ETV1: variants seen among roughly 807,000 people sequenced by gnomAD.
ETV1 encodes ETS variant transcription factor 1, also known as ETS translocation variant 1.
A neutral mutation model predicts 62.3 loss-of-function variants in ETV1; 27 were observed. The observed-to-expected ratio is 0.43, with a 90% CI of 0.32 to 0.60. The LOEUF (loss-of-function observed/expected upper bound fraction) is 0.60, where lower values mean the gene tolerates loss of function less well. Among genes scored for constraint, ETV1 ranks in the 20% least tolerant of loss-of-function variants. ETV1 has a pLI of 0.06. For missense variants in ETV1, 605 were observed against 605.8 expected (o/e 1.00, Z 0.01); for synonymous variants, 222 against 199.6 (o/e 1.11, Z -0.94).
At chr7:13,985,300 A>G (rs1444764493) in intron 5 of ETV1, 2 of 152,120 alleles carry the variant, frequency 1.3e-5, no homozygotes, top group African/African-American at 4.8e-5. Flanking sequence ...AGTTTCATTT[A>G]CACAGACTAG....
intron 10 of ETV1, 111 bp from the exon 11 acceptor site, chr7:13,909,811 C>T (rs910501755): frequency 1.9e-5 from 16 of 864,002 alleles, no homozygotes; most frequent in Non-Finnish European, 2.7e-5. Flanking sequence ...CTGCCACCAC[C>T]TTTCAGTTCC....
At chr7:13,957,737 C>A (rs941604837) in intron 6 of ETV1, among the ~76,000 whole-genome samples, 1 of 152,144 alleles carries the variant, frequency 6.6e-6, no homozygotes, top group African/African-American at 2.4e-5. Flanking sequence ...CTTATATTAG[C>A]ACTTAAACAC....
At chr7:13,949,750 C>A (rs753299750) in intron 6 of ETV1, among the ~76,000 whole-genome samples, 5 of 152,138 alleles carry the variant, frequency 3.3e-5, no homozygotes, top group Non-Finnish European at 7.4e-5. Context: ...TATCAAAATG[C>A]AAACTGAAAC....
At chr7:13,919,445 T>C (rs1784565896) in intron 9 of ETV1, among the ~76,000 whole-genome samples, 1 of 150,614 alleles carries the variant, frequency 6.6e-6, no homozygotes, top group Non-Finnish European at 1.5e-5. Flanking sequence ...GTTAAATGAA[T>C]CACAATAACA....
Position 13,893,593 on chromosome 7 carries a change from A to G in ETV1, c.*2273T>C, listed in dbSNP as rs1781529580. The G allele has an allele frequency of 4.3e-6, 1 of 232,094 alleles. No individual in the cohort carries two copies. Among genetic ancestry groups the G allele is most frequent in the Non-Finnish European group, 8.5e-6 (1 of 117,466 alleles). 14.4% of individuals were successfully genotyped at this position (232,094 alleles called of 1,614,324 possible). On this transcript the variant is annotated 3_prime_UTR_variant, in exon 14 of 14. Coordinates refer to ENST00000430479, the MANE Select transcript of ETV1 (RefSeq NM_004956.5). ...TCTTCCTCACTGACTGACTAAAACT[A>G]GACTATTAAAAAGAAGAAAAAGGAG...
At chr7:13,926,296 T>G (rs1242830443) in intron 9 of ETV1, among the ~76,000 whole-genome samples, 1 of 152,210 alleles carries the variant, frequency 6.6e-6, no homozygotes, top group Non-Finnish European at 1.5e-5. Flanking sequence ...TAGTTTCATG[T>G]GCTCACTACT....
At chr7:13,911,197 C>G in intron 10 of ETV1, 42 bp downstream of exon 10, 5 of 1,376,600 alleles carry the variant, frequency 3.6e-6, no homozygotes, top group Non-Finnish European at 5.2e-6. Context: ...TCTGATTATT[C>G]TGAACGGTAT....
At chr7:13,927,589 A>G (rs1785579589) in intron 9 of ETV1, among the ~76,000 whole-genome samples, 1 of 150,134 alleles carries the variant, frequency 6.7e-6, no homozygotes, top group African/African-American at 2.5e-5. Context: ...TAAATGCATT[A>G]GATTTCCTCA....
intron 8 of ETV1, among the ~76,000 whole-genome samples, chr7:13,935,192 C>T (rs561440562): frequency 6.6e-6 from 1 of 152,170 alleles, no homozygotes; most frequent in South Asian, 2.1e-4. Flanking sequence ...TCGCAGTGTC[C>T]AGAGTCATGC....
Position 13,939,149 on chromosome 7 carries a change from G to A in ETV1, c.333C>T (p.Phe111=). Reference sequence around the variant, plus strand: ...TGTACAGGCACTTTTCTCCATAGCTGAATTTAAAGGGCTGTTCTTGACTGC... The same window carrying A: ...TGTACAGGCACTTTTCTCCATAGCTAAATTTAAAGGGCTGTTCTTGACTGC... ...SACSQEQPFK[F]SYGEKCLYNV... is the part of the protein sequence containing the mutation. The change falls in exon 7 of 14, where the codon TTC becomes TTT. Residue 111 remains phenylalanine, a synonymous_variant. Coordinates refer to ENST00000430479, the MANE Select transcript of ETV1 (RefSeq NM_004956.5). The A allele has an allele frequency of 6.2e-7, 1 of 1,613,300 alleles. No individual in the cohort carries two copies. The highest frequency in any genetic ancestry group is 8.5e-7 in the Non-Finnish European group (1 of 1,179,676).
chr7:13,973,404 G>A (rs17167711), intron 6 of ETV1, among the ~76,000 whole-genome samples: 14,133 of 152,098 alleles, frequency 0.093, 1,111 homozygotes, highest in African/African-American at 0.21. Flanking sequence ...ATACCCAGAC[G>A]CACGAGAATC....
intron 6 of ETV1, among the ~76,000 whole-genome samples, chr7:13,970,264 ACACACACACACAC>A (rs1562698476): frequency 3.7e-3 from 13 of 3,472 alleles, no homozygotes; most frequent in Admixed American, 6.6e-3. Context: ...CCATCTCAAA[ACACACACACACAC>A]ACACACACAC....
chr7:13,944,457 T>C (rs546677774), intron 6 of ETV1, among the ~76,000 whole-genome samples: 2 of 152,274 alleles, frequency 1.3e-5, no homozygotes, highest in Non-Finnish European at 2.9e-5. Flanking sequence ...ACTAATCCCA[T>C]TGGCTCCATC....
chr7:13,973,381 GCC>G lies in ETV1; in HGVS notation c.235+4044_235+4045del, dbSNP rs1327933251. Reference sequence around the variant, plus strand: ...TCTCTTTCTAGAGATAGATCCCTCTGCCCCCACTAAGCATACCCAGACGCACG... The same window carrying G: ...TCTCTTTCTAGAGATAGATCCCTCTGCCCACTAAGCATACCCAGACGCACG... On this transcript the variant is annotated intron_variant, in intron 6 of 13. Coordinates refer to ENST00000430479, the MANE Select transcript of ETV1 (RefSeq NM_004956.5). Among the ~76,000 whole-genome samples the G allele has an allele frequency of 2.6e-5, 4 of 152,192 alleles. No individual in the cohort carries two copies. In the East Asian group the frequency reaches 7.8e-4, roughly 29 times the overall value.
At chr7:13,971,253 G>A (rs1252952023) in intron 6 of ETV1, among the ~76,000 whole-genome samples, 1 of 152,218 alleles carries the variant, frequency 6.6e-6, no homozygotes, top group African/African-American at 2.4e-5. Flanking sequence ...CTACAGGCGT[G>A]AGCCAATGTG....
chr7:13,944,011 G>C, intron 6 of ETV1, among the ~76,000 whole-genome samples: 1 of 152,290 alleles, frequency 6.6e-6, no homozygotes, highest in African/African-American at 2.4e-5. Context: ...AGGAAATGGA[G>C]GGTGGAGAGG....
In ETV1 at chr7:13,931,544, G is replaced by T; in HGVS notation, c.760C>A (p.Leu254Met). ...SAASQSFPPP[L>M]MIKQEPRDFA... is the part of the protein sequence containing the mutation. ...TCTCTGGGTTCCTGTTTAATCATCA[G>T]AGGAGGGGGAAAGCTTTGGCTGGCC... Residue 254 changes from leucine (L) to methionine (M), a missense_variant, in exon 9 of 14, where the codon CTG becomes ATG. Physicochemically the swap from Leu to Met is conservative, Grantham distance 15. This residue lies in a region of ETV1 where 426 missense variants were observed against 377.8 expected (regional missense o/e 1.13). Coordinates refer to ENST00000430479, the MANE Select transcript of ETV1 (RefSeq NM_004956.5). 6.2e-7 allele frequency: 1 copy of T among 1,614,052 alleles called. No homozygotes were observed. Among genetic ancestry groups the T allele is most frequent in the South Asian group, 1.1e-5 (1 of 91,092 alleles).
At chr7:13,905,134 C>T (rs1187013911) in intron 12 of ETV1, among the ~76,000 whole-genome samples, 3 of 151,798 alleles carry the variant, frequency 2.0e-5, no homozygotes, top group South Asian at 4.2e-4. Flanking sequence ...AGTACATTCT[C>T]GAGTCAGATA....
intron 6 of ETV1, among the ~76,000 whole-genome samples, chr7:13,950,382 G>C (rs981260578): frequency 6.6e-6 from 1 of 152,112 alleles, no homozygotes; most frequent in African/African-American, 2.4e-5. Context: ...GAGAGAGAGA[G>C]AGAGATCCCA....
Sources: gnomAD v4.1 joint callset for allele counts (sites outside exome capture counted in the v4.1 genomes callset) on GRCh38, gnomAD v4.1.1 for gene constraint, gnomAD v4.1.1 regional missense constraint, MANE v1.5 for transcripts, NCBI Gene and HGNC (gene_info 2026-07-23, HGNC 2026-07-21) for gene names.